The following TSHZ2 variants were observed in gnomAD, a reference collection of about 807,000 sequenced individuals.
TSHZ2 encodes teashirt homolog 2.
Under a neutral mutation model 74.4 loss-of-function variants are expected in TSHZ2, and 21 were observed. The observed-to-expected ratio is 0.28, with a 90% CI of 0.20 to 0.41. TSHZ2 has a LOEUF of 0.41. TSHZ2 is among the 10% of genes least tolerant of loss of function. TSHZ2 has a pLI of 1.00. For missense variants in TSHZ2, 1,244 were observed against 1,293.5 expected (o/e 0.96, Z 0.59); for synonymous variants, 540 against 515.3 (o/e 1.05, Z -0.65).
intron 2 of TSHZ2, among the ~76,000 whole-genome samples, chr20:53,451,144 C>A (rs966432062): frequency 6.6e-6 from 1 of 152,142 alleles, no homozygotes; most frequent in Admixed American, 6.5e-5. Context: ...AGAACAGTCT[C>A]AAGTTTTTGT....
chr20:53,389,384 G>T (rs1182629051), intron 2 of TSHZ2, among the ~76,000 whole-genome samples: 1 of 152,214 alleles, frequency 6.6e-6, no homozygotes, highest in Non-Finnish European at 1.5e-5. Context: ...TCTATTGCTT[G>T]TTGAAAGGGT....
chr20:53,017,772 C>T (rs1983094480), intron 1 of TSHZ2, among the ~76,000 whole-genome samples: 1 of 152,194 alleles, frequency 6.6e-6, no homozygotes, highest in South Asian at 2.1e-4. Context: ...AATGCGTCTT[C>T]ACCCCAATGG....
chr20:53,311,281 A>T (rs1023635315), intron 2 of TSHZ2, among the ~76,000 whole-genome samples: 1 of 152,244 alleles, frequency 6.6e-6, no homozygotes, highest in African/African-American at 2.4e-5. Flanking sequence ...TGTAATTCTT[A>T]TGCAGCTGAA....
At chr20:53,259,133 TG>T (rs1466315317) in intron 2 of TSHZ2, among the ~76,000 whole-genome samples, 2 of 152,238 alleles carry the variant, frequency 1.3e-5, no homozygotes, top group African/African-American at 4.8e-5. Context: ...GGTTTCTAAA[TG>T]GTCATGAAAT....
At chr20:53,163,400 A>G (rs886863268) in intron 1 of TSHZ2, among the ~76,000 whole-genome samples, 1 of 106,088 alleles carries the variant, frequency 9.4e-6, no homozygotes, top group African/African-American at 3.6e-5. Flanking sequence ...GTTTCAGGGC[A>G]TCTTTGGTGC....
At chr20:53,146,557 G>A (rs1987544998) in intron 1 of TSHZ2, among the ~76,000 whole-genome samples, 2 of 152,206 alleles carry the variant, frequency 1.3e-5, no homozygotes, top group Non-Finnish European at 2.9e-5. Flanking sequence ...TATCTTGATG[G>A]ATGATTGAAA....
At chr20:53,049,717 G>A (rs1984354789) in intron 1 of TSHZ2, among the ~76,000 whole-genome samples, 1 of 151,952 alleles carries the variant, frequency 6.6e-6, no homozygotes, top group Non-Finnish European at 1.5e-5. Context: ...TGGGGAAGGA[G>A]GGAGAAAGAA....
At chr20:53,469,638 A>G (rs113233113) in intron 2 of TSHZ2, among the ~76,000 whole-genome samples, 18,186 of 48,438 alleles carry the variant, frequency 0.38, 4,343 homozygotes, top group South Asian at 0.46. Flanking sequence ...GGGAGGGAGG[A>G]AGGAAGGAAG....
In TSHZ2 at chr20:53,074,139, A is replaced by G. The variant is rs759837056; in HGVS notation, c.40+100806A>G. Among the ~76,000 whole-genome samples the G allele has an allele frequency of 2.6e-5, 4 of 152,266 alleles. No homozygotes were observed. Among genetic ancestry groups the G allele is most frequent in the Admixed American group, 6.5e-5 (1 of 15,292 alleles). ...TGACATCCTTGGTGAACTCTTATGT[A>G]TCTTTTAAACTGCTGTTCAAATGTC... On this transcript the variant is annotated intron_variant, in intron 1 of 2. Coordinates refer to ENST00000371497, the MANE Select transcript of TSHZ2 (RefSeq NM_173485.6). The surrounding 1 kb of genome is among the most constrained non-coding windows in gnomAD (Gnocchi z 5.9).
At position 53,378,749 on chromosome 20, in the gene TSHZ2, T is replaced by TA. The variant is rs1001166775; in HGVS notation, c.*9-108386dup. ...CACAAAACTTATTGTAATATGTCTT[T>TA]AAAAAAAAACTGCCACATGGAACCT... is the stretch of plus-strand genomic sequence containing the variant. On this transcript the variant is annotated intron_variant, in intron 2 of 2. Coordinates refer to ENST00000371497, the MANE Select transcript of TSHZ2 (RefSeq NM_173485.6). Among the ~76,000 whole-genome samples the TA allele has an allele frequency of 1.3e-4, 20 of 151,470 alleles. No individual in the cohort carries two copies. In the South Asian group the frequency reaches 1.9e-3, roughly 14 times the overall value.
chr20:53,358,312 A>G (rs1568883500), intron 2 of TSHZ2, among the ~76,000 whole-genome samples: 2 of 150,544 alleles, frequency 1.3e-5, no homozygotes, highest in Non-Finnish European at 3.0e-5. Context: ...AGAAAAAAAA[A>G]AAAAGTTTCT....
intron 1 of TSHZ2, among the ~76,000 whole-genome samples, chr20:53,106,872 AT>A (rs1169167258): frequency 2.6e-5 from 4 of 151,156 alleles, no homozygotes; most frequent in African/African-American, 4.9e-5. Flanking sequence ...TAATTTTTGT[AT>A]TTTTAGTAGA....
intron 2 of TSHZ2, among the ~76,000 whole-genome samples, chr20:53,315,689 G>T (rs1018851804): frequency 1.3e-5 from 2 of 152,242 alleles, no homozygotes; most frequent in Non-Finnish European, 1.5e-5. Flanking sequence ...CTATGTGCCA[G>T]GTTTTTAAAA....
chr20:53,174,954 A>T (rs1200324165), intron 1 of TSHZ2, among the ~76,000 whole-genome samples: 1 of 152,106 alleles, frequency 6.6e-6, no homozygotes, highest in Admixed American at 6.5e-5. Flanking sequence ...GAGGGTCTGA[A>T]TAAATAATCT....
intron 2 of TSHZ2, among the ~76,000 whole-genome samples, chr20:53,289,007 A>T (rs763434336): frequency 6.2e-4 from 94 of 152,048 alleles, no homozygotes; most frequent in Non-Finnish European, 4.4e-5. Context: ...CCATTATATC[A>T]TTCTTATGCC....
At chr20:53,021,443 C>CT (rs1343325642) in intron 1 of TSHZ2, among the ~76,000 whole-genome samples, 1 of 152,198 alleles carries the variant, frequency 6.6e-6, no homozygotes, top group African/African-American at 2.4e-5. Flanking sequence ...GAAGTTGGAA[C>CT]TCCGCTGATG....
rs1375749003 is a variant in TSHZ2 at position 53,456,116 on chromosome 20, G to C, written c.*9-31028G>C. 2.6e-5 allele frequency among the ~76,000 whole-genome samples: 4 copies of C among 151,868 alleles called. No individual in the cohort carries two copies. The South Asian group carries it at 6.2e-4, about 24-fold the overall frequency. ...GGGTCAAATGGTATTTCTAGTTCTAGATCCCTGAGGAATCGCCACACTGAC... is the reference window on the plus strand; with the variant it reads ...GGGTCAAATGGTATTTCTAGTTCTACATCCCTGAGGAATCGCCACACTGAC... On this transcript the variant is annotated intron_variant, in intron 2 of 2. Coordinates refer to ENST00000371497, the MANE Select transcript of TSHZ2 (RefSeq NM_173485.6).
chr20:53,116,698 C>CTT (rs772458845), intron 1 of TSHZ2, among the ~76,000 whole-genome samples: 3 of 152,182 alleles, frequency 2.0e-5, no homozygotes, highest in Non-Finnish European at 4.4e-5. Flanking sequence ...TCTACTCATA[C>CTT]TTGAGACCCT....
At position 53,094,671 on chromosome 20, in the gene TSHZ2, C is replaced by A. The variant is rs1440026809; in HGVS notation, c.40+121338C>A. Among the ~76,000 whole-genome samples, 9 of 152,310 alleles carry A rather than the reference C, an allele frequency of 5.9e-5. No individual in the cohort carries two copies. The East Asian group carries it at 1.7e-3, about 29-fold the overall frequency. On this transcript the variant is annotated intron_variant, in intron 1 of 2. Coordinates refer to ENST00000371497, the MANE Select transcript of TSHZ2 (RefSeq NM_173485.6). ...CGTGCTGAGAGTCTGATGTGAACAT[C>A]TGCATCATGGATGTCATTATAACAG...
Sources: allele counts gnomAD v4.1 joint callset (sites outside exome capture counted in the v4.1 genomes callset), GRCh38; gene constraint gnomAD v4.1.1; non-coding constraint Gnocchi (gnomAD v3.1); transcripts MANE v1.5; gene names NCBI Gene and HGNC (gene_info 2026-07-23, HGNC 2026-07-21).